MCF2L: variants seen among roughly 807,000 people sequenced by gnomAD.
MCF2L encodes the protein guanine nucleotide exchange factor DBS.
Under a neutral mutation model 153.4 loss-of-function variants are expected in MCF2L, and 97 were observed. The observed-to-expected ratio is 0.63, with a 90% CI of 0.54 to 0.75. The LOEUF (loss-of-function observed/expected upper bound fraction) is 0.75, where lower values mean the gene tolerates loss of function less well. MCF2L is among the 30% of genes least tolerant of loss of function. MCF2L has a pLI of 0.00. For missense variants in MCF2L, 1,347 were observed against 1,495.2 expected, an observed-to-expected ratio of 0.90 and a Z score of 1.64; for synonymous variants, 659 against 632.2, an observed-to-expected ratio of 1.04 and a Z score of -0.64.
At chr13:113,015,560 G>A (rs35786512) in intron 2 of MCF2L, among the ~76,000 whole-genome samples, 32,489 of 152,042 alleles carry the variant, frequency 0.21, 4,283 homozygotes, top group Non-Finnish European at 0.3. Flanking sequence ...CTGCATTCCC[G>A]TCAGCATCCC....
intron 3 of MCF2L, among the ~76,000 whole-genome samples, chr13:113,025,184 C>T (rs77372542): frequency 0.2 from 10,269 of 52,108 alleles, 2,736 homozygotes; most frequent in South Asian, 0.38. Context: ...GGGCAGAGTC[C>T]CTGTGAGGTT....
intron 15 of MCF2L, 65 bp downstream of exon 15, chr13:113,078,804 G>A (rs113221404): frequency 3.1e-5 from 43 of 1,400,704 alleles, no homozygotes; most frequent in African/African-American, 2.3e-4. Flanking sequence ...ACCAGATGCC[G>A]TCAGGCACTC....
chr13:112,992,942 A>G (rs2082948970), intron 1 of MCF2L, among the ~76,000 whole-genome samples: 1 of 152,238 alleles, frequency 6.6e-6, no homozygotes, highest in Admixed American at 6.5e-5. Flanking sequence ...CTGAGGTCAG[A>G]CCCTGGTGCA....
intron 5 of MCF2L, among the ~76,000 whole-genome samples, chr13:113,062,237 G>T (rs956632869): frequency 5.9e-5 from 9 of 152,086 alleles, no homozygotes; most frequent in Admixed American, 4.6e-4. Context: ...CTCATGTCCT[G>T]ACACCAGGAT....
At chr13:112,914,739 CT>C (rs1285263539) in intron 2 of MCF2L, among the ~76,000 whole-genome samples, 2 of 152,152 alleles carry the variant, frequency 1.3e-5, no homozygotes, top group African/African-American at 4.8e-5. Flanking sequence ...ATGTTTTTAT[CT>C]TTGTTTGCCC....
rs759949237 is a variant in MCF2L at position 113,074,524 on chromosome 13, C to T, written c.1077C>T (p.His359=). ...DIGNSLAHVE[H]LLRDLASFEE... is the part of the protein sequence containing the mutation. ...GCAACAGCCTGGCGCATGTGGAGCA[C>T]CTGCTGAGGGACCTGGCCAGCTTCG... Residue 359 remains histidine, a synonymous_variant, in exon 10 of 30, where the codon CAC becomes CAT. Coordinates refer to ENST00000535094, the MANE Select transcript of MCF2L (RefSeq NM_001112732.3). The surrounding 1 kb of genome is among the most constrained non-coding windows in gnomAD (Gnocchi z 4.2). 3 of 1,614,088 alleles carry T rather than the reference C, an allele frequency of 1.9e-6. No homozygotes were observed. Among genetic ancestry groups the T allele is most frequent in the African/African-American group, 1.3e-5 (1 of 75,078 alleles).
In MCF2L at chr13:113,064,998, C is replaced by T. The variant is rs140799215; in HGVS notation, c.669C>T (p.Thr223=). 70 of 1,613,028 alleles carry T rather than the reference C, an allele frequency of 4.3e-5. No individual in the cohort carries two copies. The African/African-American group carries it at 5.5e-4, about 13-fold the overall frequency. ...CTCAGATGCTGCAGTCCTTCGGGAC[C>T]GAGCTGGCTGAAACAGAGCTGCCCA... ...QTAQMLQSFG[T]ELAETELPND... The change falls in exon 7 of 30, where the codon ACC becomes ACT. Residue 223 remains threonine, a synonymous_variant. Coordinates refer to ENST00000535094, the MANE Select transcript of MCF2L (RefSeq NM_001112732.3). This position sits in a 1 kb window ranked among gnomAD's most constrained non-coding sequence, Gnocchi z 6.0.
chr13:113,074,888 A>G lies in MCF2L; in HGVS notation c.1117-110A>G. On this transcript the variant is annotated intron_variant, in intron 10 of 29. Transcript: ENST00000535094. The surrounding 1 kb of genome is among the most constrained non-coding windows in gnomAD (Gnocchi z 4.2). ...ATCTCAGGCATCCGCAGCAGTAAAC[A>G]AAGAAATCAAGACACACGTGTGCCC... 1 of 1,034,366 alleles carries G rather than the reference A, an allele frequency of 9.7e-7. No individual in the cohort carries two copies. 64.1% of individuals were successfully genotyped at this position (1,034,366 alleles called of 1,614,324 possible). A position where few individuals can be genotyped will look rare whatever the true frequency, so the allele number is the denominator to read the frequency against.
chr13:113,088,520 A>G, intron 24 of MCF2L, 42 bp from the exon 25 acceptor site: 11 of 1,610,942 alleles, frequency 6.8e-6, no homozygotes, highest in Non-Finnish European at 9.3e-6. Context: ...GCGTTGAAGT[A>G]AAGACGCTCG....
rs908734493 is a variant in MCF2L, at chr13:112,907,401, T to C, written c.169+5030T>C. Reference sequence around the variant, plus strand: ...TCTGGCATGGGTCATAGTCGTGGCTTGGTGGAGAATCCTCGGTGTTTGTGG... The same window carrying C: ...TCTGGCATGGGTCATAGTCGTGGCTCGGTGGAGAATCCTCGGTGTTTGTGG... On this transcript the variant is annotated intron_variant, in intron 2 of 29. Coordinates refer to the MCF2L transcript ENST00000375608. This position sits in a 1 kb window ranked among gnomAD's most constrained non-coding sequence, Gnocchi z 5.1. Among the ~76,000 whole-genome samples, 2 of 152,206 alleles carry C rather than the reference T, an allele frequency of 1.3e-5. No homozygotes were observed. Among genetic ancestry groups the C allele is most frequent in the African/African-American group, 4.8e-5 (2 of 41,458 alleles).
chr13:113,041,401 C>T (rs1367404152), intron 3 of MCF2L, among the ~76,000 whole-genome samples: 4 of 152,036 alleles, frequency 2.6e-5, no homozygotes, highest in Non-Finnish European at 4.4e-5. Context: ...CGTGGGGGGG[C>T]GGGGAATCAC....
chr13:112,932,960 G>C lies in MCF2L; in HGVS notation c.169+30589G>C, dbSNP rs1212314198. On this transcript the variant is annotated intron_variant, in intron 2 of 29. Coordinates refer to the MCF2L transcript ENST00000375608. The surrounding 1 kb of genome is among the most constrained non-coding windows in gnomAD (Gnocchi z 4.6). Reference sequence around the variant, plus strand: ...ACAGGAGAATTGCTTGAACGCAGGAGGTGGAGATTTTAGTGAGGCAAGATT... The same window carrying C: ...ACAGGAGAATTGCTTGAACGCAGGACGTGGAGATTTTAGTGAGGCAAGATT... Among the ~76,000 whole-genome samples the C allele has an allele frequency of 1.3e-5, 2 of 152,164 alleles. No homozygotes were observed. Among genetic ancestry groups the C allele is most frequent in the Admixed American group, 1.3e-4 (2 of 15,286 alleles).
At chr13:113,079,003 A>T (rs2033820309) in intron 15 of MCF2L, among the ~76,000 whole-genome samples, 1 of 152,214 alleles carries the variant, frequency 6.6e-6, no homozygotes, top group Admixed American at 6.5e-5. Context: ...GCTGAATGCA[A>T]CAGTGAAGGG....
At chr13:112,977,438 G>A (rs777105775) in intron 1 of MCF2L, among the ~76,000 whole-genome samples, 4 of 152,182 alleles carry the variant, frequency 2.6e-5, no homozygotes, top group Admixed American at 1.3e-4. Flanking sequence ...GCGTTTTCAC[G>A]ATGGTCGCTG....
intron 4 of MCF2L, among the ~76,000 whole-genome samples, chr13:113,048,530 TC>T (rs11301289): frequency 0.46 from 68,066 of 147,410 alleles, 16,073 homozygotes; most frequent in South Asian, 0.57. Flanking sequence ...AAGCTCTGCC[TC>T]CCCGGGTTCA....
In MCF2L at chr13:113,070,557, A is replaced by G. The variant is rs996090907; in HGVS notation, c.996+384A>G. On this transcript the variant is annotated intron_variant, in intron 9 of 29. Transcript: ENST00000535094. This position sits in a 1 kb window ranked among gnomAD's most constrained non-coding sequence, Gnocchi z 5.6. ...ACGGCGTCACAGTCATGAGGTGCAC[A>G]GCGACACGGCCAGTGCAGCCAGACC... Among the ~76,000 whole-genome samples the G allele has an allele frequency of 8.5e-5, 13 of 152,222 alleles. No homozygotes were observed. Among genetic ancestry groups the G allele is most frequent in the African/African-American group, 3.1e-4 (13 of 41,456 alleles).
intron 1 of MCF2L, among the ~76,000 whole-genome samples, chr13:112,897,069 G>C (rs1202480553): frequency 1.3e-5 from 2 of 152,180 alleles, no homozygotes; most frequent in Admixed American, 1.3e-4. Flanking sequence ...AGAGTCTTTA[G>C]TGCGTGGCCA....
At chr13:112,979,036 G>A (rs1268234516) in intron 1 of MCF2L, among the ~76,000 whole-genome samples, 1 of 152,192 alleles carries the variant, frequency 6.6e-6, no homozygotes, top group Non-Finnish European at 1.5e-5. Context: ...CTTGGGACGG[G>A]CTCAACACCT....
intron 2 of MCF2L, among the ~76,000 whole-genome samples, chr13:112,958,600 C>G (rs1021690505): frequency 2.6e-5 from 4 of 152,256 alleles, no homozygotes; most frequent in Non-Finnish European, 4.4e-5. Flanking sequence ...TCCTCATTTC[C>G]CTGAAATGCA....
Sources: gnomAD v4.1 joint callset for allele counts (sites outside exome capture counted in the v4.1 genomes callset) on GRCh38, gnomAD v4.1.1 for gene constraint, Gnocchi (gnomAD v3.1) non-coding constraint, MANE v1.5 for transcripts, NCBI Gene and HGNC (gene_info 2026-07-23, HGNC 2026-07-21) for gene names.